The following SORCS2 variants were observed in gnomAD, a reference collection of about 807,000 sequenced individuals.
SORCS2 encodes the protein VPS10 domain-containing receptor SorCS2.
Under a neutral mutation model 141.6 loss-of-function variants are expected in SORCS2, and 100 were observed. That is an observed-to-expected ratio of 0.71 (90% CI 0.60 to 0.83). The LOEUF is 0.83. Among genes scored for constraint, SORCS2 ranks in the 40% least tolerant of loss-of-function variants. The probability of loss-of-function intolerance (pLI) is 0.00; values close to 1 mark genes in which losing one functional copy is unlikely to be tolerated. For synonymous variants in SORCS2, 789 were observed against 676.9 expected (o/e 1.17, Z -2.57); for missense variants, 1,646 against 1,560.2 (o/e 1.05, Z -0.93).
chr4:7,359,771 G>T (rs1325403031), intron 1 of SORCS2, among the ~76,000 whole-genome samples: 2 of 152,234 alleles, frequency 1.3e-5, no homozygotes, highest in Non-Finnish European at 2.9e-5. Context: ...CAACAGGATT[G>T]AAAGTAAATA....
intron 1 of SORCS2, among the ~76,000 whole-genome samples, chr4:7,271,907 C>T (rs1452133023): frequency 7.9e-5 from 12 of 152,174 alleles, no homozygotes; most frequent in African/African-American, 1.2e-4. Flanking sequence ...CCCAGGTGGG[C>T]GATGGGCTCT....
At chr4:7,631,568 C>G (rs377198531) in intron 3 of SORCS2, among the ~76,000 whole-genome samples, 1 of 152,138 alleles carries the variant, frequency 6.6e-6, no homozygotes, top group Admixed American at 6.5e-5. Flanking sequence ...GGGTGAGGGG[C>G]CCTCTCTGCT....
In SORCS2 at chr4:7,663,512, G is replaced by A. The variant is rs1270693111; in HGVS notation, c.953-841G>A. 6.6e-6 allele frequency among the ~76,000 whole-genome samples: 1 copy of A among 152,236 alleles called. No individual in the cohort carries two copies. The highest frequency in any genetic ancestry group is 1.5e-5 in the Non-Finnish European group (1 of 68,042). On this transcript the variant is annotated intron_variant, in intron 6 of 26. Transcript: ENST00000507866. This position sits in a 1 kb window ranked among gnomAD's most constrained non-coding sequence, Gnocchi z 4.8. The stretch of plus-strand genomic sequence containing the variant: ...ACATGGATGTGGCTCAGGAGGGCTT[G>A]GCAGTGGCCTGGTGCTGCTGCCCAC...
intron 1 of SORCS2, among the ~76,000 whole-genome samples, chr4:7,245,115 C>T (rs1029841984): frequency 3.3e-5 from 5 of 152,126 alleles, no homozygotes; most frequent in East Asian, 1.9e-4. Context: ...TGAGAGTGGG[C>T]GGGAGGCTGG....
intron 5 of SORCS2, among the ~76,000 whole-genome samples, chr4:7,659,714 T>A (rs945808886): frequency 2.5e-4 from 38 of 152,280 alleles, no homozygotes; most frequent in Admixed American, 1.9e-3. Flanking sequence ...GCCAGCCCCA[T>A]GCAGGTGGGC....
At chr4:7,455,106 T>C (rs1577592665) in intron 2 of SORCS2, among the ~76,000 whole-genome samples, 1 of 67,154 alleles carries the variant, frequency 1.5e-5, no homozygotes, top group Non-Finnish European at 2.9e-5. Flanking sequence ...TGTGTTGGGG[T>C]CAGGAGCTGT....
chr4:7,608,861 G>T (rs1324240116), intron 3 of SORCS2, among the ~76,000 whole-genome samples: 2 of 152,152 alleles, frequency 1.3e-5, no homozygotes, highest in African/African-American at 4.8e-5. Context: ...ATTTGTCACA[G>T]TCCTGCCCTC....
chr4:7,440,552 C>T (rs4586934), intron 2 of SORCS2, among the ~76,000 whole-genome samples: 28,194 of 152,256 alleles, frequency 0.19, 2,803 homozygotes, highest in East Asian at 0.33. Context: ...TGAGGAGGGG[C>T]AGGGTAACAG....
chr4:7,253,086 TA>T (rs1560142071), intron 1 of SORCS2, among the ~76,000 whole-genome samples: 1 of 152,258 alleles, frequency 6.6e-6, no homozygotes, highest in Non-Finnish European at 1.5e-5. Flanking sequence ...TGGTTTTTCC[TA>T]ATTCAAGAGG....
At chr4:7,309,370 G>A (rs531250326) in intron 1 of SORCS2, among the ~76,000 whole-genome samples, 60 of 152,268 alleles carry the variant, frequency 3.9e-4, no homozygotes, top group African/African-American at 1.4e-3. Flanking sequence ...TAAACCACAC[G>A]GGAGCCTCAG....
At chr4:7,591,545 C>T (rs561965788) in intron 3 of SORCS2, among the ~76,000 whole-genome samples, 1 of 152,316 alleles carries the variant, frequency 6.6e-6, no homozygotes, top group East Asian at 1.9e-4. Context: ...GTGGCAGAGC[C>T]AACGCTCATG....
intron 1 of SORCS2, among the ~76,000 whole-genome samples, chr4:7,328,765 C>G (rs1049101423): frequency 6.6e-6 from 1 of 152,230 alleles, no homozygotes; most frequent in Non-Finnish European, 1.5e-5. Flanking sequence ...TTGCCACTCA[C>G]CCAGTCTGTG....
intron 1 of SORCS2, chr4:7,381,904 G>C: frequency 1.0e-6 from 1 of 986,440 alleles, no homozygotes; most frequent in Non-Finnish European, 1.2e-6. Flanking sequence ...CAGCAGAGCA[G>C]GCAGACAGCA....
At chr4:7,731,711 G>C (rs968485906) in intron 23 of SORCS2, among the ~76,000 whole-genome samples, 1 of 152,162 alleles carries the variant, frequency 6.6e-6, no homozygotes, top group African/African-American at 2.4e-5. Flanking sequence ...ACACAATGGA[G>C]AAAAGAGAAT....
chr4:7,489,299 G>A (rs1167459517), intron 2 of SORCS2, among the ~76,000 whole-genome samples: 1 of 152,170 alleles, frequency 6.6e-6, no homozygotes, highest in African/African-American at 2.4e-5. Flanking sequence ...TTCAGATGCT[G>A]CCATTTCCAA....
intron 1 of SORCS2, among the ~76,000 whole-genome samples, chr4:7,322,766 G>A (rs919038519): frequency 8.5e-5 from 13 of 152,194 alleles, no homozygotes; most frequent in Non-Finnish European, 1.5e-4. Flanking sequence ...ATTCAAATGG[G>A]GGAGGACCTA....
At position 7,647,241 on chromosome 4, in the gene SORCS2, A is replaced by G. The variant is rs78032041; in HGVS notation, c.814-6893A>G. On this transcript the variant is annotated intron_variant, in intron 4 of 26. Transcript: ENST00000507866. ...AGGGTTTAGATGGGCTGAGCAAGACAGACTCTCAACCTCCTTCTTTAAGAC... is the reference window on the plus strand; with the variant it reads ...AGGGTTTAGATGGGCTGAGCAAGACGGACTCTCAACCTCCTTCTTTAAGAC... Among the ~76,000 whole-genome samples, 11 of 152,292 alleles carry G rather than the reference A, an allele frequency of 7.2e-5. No individual in the cohort carries two copies. In the East Asian group the frequency reaches 2.1e-3, roughly 29 times the overall value.
intron 1 of SORCS2, among the ~76,000 whole-genome samples, chr4:7,215,100 A>G (rs908655386): frequency 6.6e-6 from 1 of 151,878 alleles, no homozygotes; most frequent in East Asian, 1.9e-4. Flanking sequence ...GCAGGAGCCC[A>G]CTCCCTCAGC....
At chr4:7,646,964 T>C (rs1721123684) in intron 4 of SORCS2, among the ~76,000 whole-genome samples, 1 of 152,128 alleles carries the variant, frequency 6.6e-6, no homozygotes, top group Admixed American at 6.5e-5. Flanking sequence ...AGAGGGGGTT[T>C]GGTGGGAACA....
Sources: gnomAD v4.1 joint callset for allele counts (sites outside exome capture counted in the v4.1 genomes callset) on GRCh38, gnomAD v4.1.1 for gene constraint, Gnocchi (gnomAD v3.1) non-coding constraint, MANE v1.5 for transcripts, NCBI Gene and HGNC (gene_info 2026-07-23, HGNC 2026-07-21) for gene names.